The following TGFA variants were observed in gnomAD, a reference collection of about 807,000 sequenced individuals.
TGFA encodes the protein protransforming growth factor alpha.
In TGFA, 12 loss-of-function variants were observed where a neutral mutation model predicts 21.7. The observed-to-expected ratio is 0.55, with a 90% CI of 0.35 to 0.90. The LOEUF (loss-of-function observed/expected upper bound fraction) is 0.90. Among genes scored for constraint, TGFA ranks in the 40% least tolerant of loss-of-function variants. The pLI is 0.01. For missense variants in TGFA, 178 were observed against 210.8 expected (o/e 0.84, Z 0.96); for synonymous variants, 79 against 88.1 (o/e 0.90, Z 0.58).
chr2:70,459,152 T>C (rs1212807207), intron 3 of TGFA, among the ~76,000 whole-genome samples: 1 of 152,176 alleles, frequency 6.6e-6, no homozygotes, highest in African/African-American at 2.4e-5. Flanking sequence ...CAGCAGGCCC[T>C]GGGAAAGAGG....
At chr2:70,466,526 AAAAC>A (rs1239470612) in intron 2 of TGFA, among the ~76,000 whole-genome samples, 3 of 152,172 alleles carry the variant, frequency 2.0e-5, no homozygotes, top group East Asian at 3.8e-4. Flanking sequence ...AAAAACCAAA[AAAAC>A]AAACAAACAA....
chr2:70,511,320 T>C (rs1672093032), intron 2 of TGFA, among the ~76,000 whole-genome samples: 1 of 152,224 alleles, frequency 6.6e-6, no homozygotes, highest in Admixed American at 6.5e-5. Flanking sequence ...TTTCACACCA[T>C]TTACATTTTT....
chr2:70,468,854 C>T (rs147777611), intron 2 of TGFA, among the ~76,000 whole-genome samples: 1,547 of 152,168 alleles, frequency 0.01, 24 homozygotes, highest in African/African-American at 0.036. Flanking sequence ...TTAAATATTA[C>T]AATGTAATAA....
intron 2 of TGFA, among the ~76,000 whole-genome samples, chr2:70,501,794 C>T (rs1340355236): frequency 8.5e-5 from 13 of 152,226 alleles, no homozygotes; most frequent in African/African-American, 2.4e-4. Flanking sequence ...GGAAATTAGG[C>T]GCTAACTTTT....
At chr2:70,504,932 G>T (rs1488605519) in intron 2 of TGFA, among the ~76,000 whole-genome samples, 1 of 152,098 alleles carries the variant, frequency 6.6e-6, no homozygotes, top group Non-Finnish European at 1.5e-5. Flanking sequence ...AGGTGACCTT[G>T]GGCAAGTTAC....
rs1669962291 is a variant in TGFA at position 70,448,775 on chromosome 2, A to G, written c.*2084T>C. On this transcript the variant is annotated 3_prime_UTR_variant, in exon 6 of 6. Transcript: ENST00000295400. ...TGAGGCCTCTCACTGCATGTGTGTT[A>G]CAGGCATAAGGATGAGGGCACTGGC... 1 of 152,330 alleles carries G rather than the reference A, an allele frequency of 6.6e-6. No individual in the cohort carries two copies. Among genetic ancestry groups the G allele is most frequent in the Non-Finnish European group, 1.5e-5 (1 of 68,036 alleles). The allele number at this position is 152,330 out of a possible 1,614,324, so 9.4% of individuals were successfully genotyped here.
chr2:70,499,509 G>A (rs1422024515), intron 2 of TGFA, among the ~76,000 whole-genome samples: 1 of 152,150 alleles, frequency 6.6e-6, no homozygotes, highest in Admixed American at 6.5e-5. Flanking sequence ...TTTTAGTCTG[G>A]AGTAAATCTT....
chr2:70,546,497 T>G (rs1553505910), intron 1 of TGFA, among the ~76,000 whole-genome samples: 4 of 151,998 alleles, frequency 2.6e-5, no homozygotes, highest in African/African-American at 9.7e-5. Context: ...TTATTATTAT[T>G]TTTGTTTTGA....
chr2:70,552,968 G>A (rs1376840539), intron 1 of TGFA, among the ~76,000 whole-genome samples: 3 of 152,164 alleles, frequency 2.0e-5, no homozygotes, highest in East Asian at 1.9e-4. Context: ...GAACTTCACC[G>A]CCAAAAAACG....
At chr2:70,518,310 G>A (rs1242682685) in intron 1 of TGFA, among the ~76,000 whole-genome samples, 7 of 152,160 alleles carry the variant, frequency 4.6e-5, no homozygotes, top group Admixed American at 6.5e-5. Context: ...GAAAAGAAGG[G>A]GGTGGTATCA....
chr2:70,498,020 T>C (rs2103804519), intron 2 of TGFA, among the ~76,000 whole-genome samples: 1 of 152,358 alleles, frequency 6.6e-6, no homozygotes, highest in South Asian at 2.1e-4. Context: ...GGTATTTTTA[T>C]AACCAAAGAA....
At chr2:70,546,443 T>A (rs922800246) in intron 1 of TGFA, among the ~76,000 whole-genome samples, 26 of 152,004 alleles carry the variant, frequency 1.7e-4, no homozygotes, top group African/African-American at 6.3e-4. Flanking sequence ...AATAGACAGT[T>A]TTTCAACACT....
At chr2:70,542,869 G>A (rs1330207690) in intron 1 of TGFA, among the ~76,000 whole-genome samples, 15 of 152,156 alleles carry the variant, frequency 9.9e-5, no homozygotes, top group Admixed American at 2.6e-4. Flanking sequence ...TTGGGAGGCC[G>A]AGGTGGGCAG....
chr2:70,507,726 G>A (rs943030838), intron 2 of TGFA, among the ~76,000 whole-genome samples: 1 of 152,208 alleles, frequency 6.6e-6, no homozygotes, highest in African/African-American at 2.4e-5. Context: ...AGGAGGTTAT[G>A]TCCATATTCA....
intron 2 of TGFA, among the ~76,000 whole-genome samples, chr2:70,477,974 CTCTCTT>C (rs1362022137): frequency 5.3e-5 from 8 of 152,132 alleles, no homozygotes; most frequent in Non-Finnish European, 1.2e-4. Flanking sequence ...ATATCCTTTT[CTCTCTT>C]TCTCTGTCTC....
intron 2 of TGFA, among the ~76,000 whole-genome samples, chr2:70,487,403 T>G (rs1553496878): frequency 6.6e-6 from 1 of 152,250 alleles, no homozygotes. Flanking sequence ...ATATATGAGA[T>G]ATGAGATATC....
At chr2:70,540,210 G>C (rs577312734) in intron 1 of TGFA, among the ~76,000 whole-genome samples, 2 of 152,308 alleles carry the variant, frequency 1.3e-5, no homozygotes, top group South Asian at 4.1e-4. Flanking sequence ...GTCTCATTAT[G>C]AGGGTTAGAA....
Position 70,465,718 on chromosome 2 carries a change from G to A in TGFA, c.113C>T (p.Ala38Val). 1 of 1,614,070 alleles carries A rather than the reference G, an allele frequency of 6.2e-7. No homozygotes were observed. Among genetic ancestry groups the A allele is most frequent in the Non-Finnish European group, 8.5e-7 (1 of 1,179,990 alleles). Residue 38 changes from alanine to valine, a missense_variant, in exon 3 of 6, where the codon GCA becomes GTA. Transcript: ENST00000295400. The stretch of plus-strand genomic sequence containing the variant: ...GTCATTAAAATGGGACACCACTGCT[G>A]CAGCCACGGGCGGGTCTGCTGGGGA... Reference protein sequence around the residue: ...SPLSADPPVAAAVVSHFNDCP... With the variant: ...SPLSADPPVAVAVVSHFNDCP...
rs186967206 is a variant in TGFA at position 70,516,131 on chromosome 2, T to C, written c.41-1219A>G. ...CCTCTTCTGAGTTATGCAATCAGCA[T>C]GAGCCACATTAGAATGACTTCCCAA... On this transcript the variant is annotated intron_variant, in intron 1 of 5. Coordinates refer to ENST00000295400, the MANE Select transcript of TGFA (RefSeq NM_003236.4). 4.5e-4 allele frequency among the ~76,000 whole-genome samples: 69 copies of C among 152,352 alleles called. No homozygotes were observed. In the Middle Eastern group the frequency reaches 0.031, roughly 68 times the overall value.
Sources: gnomAD v4.1 joint callset for allele counts (sites outside exome capture counted in the v4.1 genomes callset) on GRCh38, gnomAD v4.1.1 for gene constraint, MANE v1.5 for transcripts, NCBI Gene and HGNC (gene_info 2026-07-23, HGNC 2026-07-21) for gene names.